GLG1: variants seen among roughly 807,000 people sequenced by gnomAD.
The protein encoded by GLG1 is golgi glycoprotein 1.
In GLG1, 38 loss-of-function variants were observed where a neutral mutation model predicts 160.5. The observed-to-expected ratio is 0.24, with a 90% CI of 0.18 to 0.31. The LOEUF (loss-of-function observed/expected upper bound fraction) is 0.31, where lower values mean the gene tolerates loss of function less well. Among genes scored for constraint, GLG1 ranks in the 10% least tolerant of loss-of-function variants. The pLI is 1.00. For synonymous variants in GLG1, 644 were observed against 543.4 expected (o/e 1.19, Z -2.57); for missense variants, 1,373 against 1,505.2 (o/e 0.91, Z 1.45).
intron 1 of GLG1, among the ~76,000 whole-genome samples, chr16:74,603,613 T>C (rs1958495021): frequency 6.6e-6 from 1 of 151,740 alleles, no homozygotes; most frequent in African/African-American, 2.4e-5. Context: ...GGTCTCCATC[T>C]GAAACTTCGA....
At chr16:74,555,122 C>T in intron 1 of GLG1, among the ~76,000 whole-genome samples, 1 of 152,150 alleles carries the variant, frequency 6.6e-6, no homozygotes, top group East Asian at 1.9e-4. Context: ...GAGATACCCA[C>T]CAGATGGGCC....
intron 4 of GLG1, among the ~76,000 whole-genome samples, chr16:74,498,468 T>TATATATATATATAAA (rs1491206560): frequency 6.7e-5 from 2 of 29,688 alleles, no homozygotes; most frequent in East Asian, 2.3e-3. Context: ...ATATATATAT[T>TATATATATATATAAA]ATATTTTATA....
rs758021024 is a variant in GLG1, at chr16:74,503,519, A to G, written c.774+12T>C. The G allele has an allele frequency of 4.5e-6, 7 of 1,542,260 alleles. No homozygotes were observed. The South Asian group carries it at 5.6e-5, about 12-fold the overall frequency. On this transcript the variant is annotated intron_variant, in intron 4 of 25. Transcript: ENST00000422840. ...AAGACCCCTTTGTTGAAGCTAACGT[A>G]GTATTAGATACCTTTTCTCCAAGCC...
chr16:74,477,517 C>A lies in GLG1; in HGVS notation c.1844G>T (p.Arg615Leu), dbSNP rs750748045. ...EQGRRLSREC[R>L]AEVQRILHQR... is the part of the protein sequence containing the mutation. ...GTGTAGGATCCTTTGGACTTCAGCT[C>A]GGCACTCCCGTGAGAGCTGCATGAG... Residue 615 changes from arginine (R) to leucine (L), a missense_variant, in exon 12 of 26, where the codon CGA becomes CTA. Coordinates refer to ENST00000422840, the MANE Select transcript of GLG1 (RefSeq NM_001145667.2). 1 of 1,613,030 alleles carries A rather than the reference C, an allele frequency of 6.2e-7. No individual in the cohort carries two copies. The highest frequency in any genetic ancestry group is 1.3e-5 in the African/African-American group (1 of 74,838).
At chr16:74,576,646 A>C (rs752759168) in intron 1 of GLG1, among the ~76,000 whole-genome samples, 10 of 152,204 alleles carry the variant, frequency 6.6e-5, no homozygotes, top group Non-Finnish European at 8.8e-5. Context: ...CTCTGGTCTG[A>C]GATATAAATG....
intron 4 of GLG1, among the ~76,000 whole-genome samples, chr16:74,500,703 G>C (rs1402431481): frequency 1.3e-5 from 2 of 151,982 alleles, no homozygotes. Flanking sequence ...CAGCTACCGA[G>C]AGAAAAGCAT....
rs2014821545 is a variant in GLG1, at chr16:74,462,127, C to T, written c.3003G>A (p.Leu1001=). 1 of 1,607,566 alleles carries T rather than the reference C, an allele frequency of 6.2e-7. No homozygotes were observed. The highest frequency in any genetic ancestry group is 1.7e-5 in the Admixed American group (1 of 59,974). Residue 1001 remains leucine (L), a synonymous_variant, in exon 22 of 26, where the codon CTG becomes CTA. Transcript: ENST00000422840. ...AGCAGTGCAGCTGGAGCTGAGGATCCAGGCGGTAGTCCAGGGCGGACTCCT... is the reference window on the plus strand; with the variant it reads ...AGCAGTGCAGCTGGAGCTGAGGATCTAGGCGGTAGTCCAGGGCGGACTCCT... ...IIQESALDYR[L]DPQLQLHCSD... is the part of the protein sequence containing the mutation.
intron 1 of GLG1, among the ~76,000 whole-genome samples, chr16:74,564,660 G>C (rs1271605234): frequency 3.9e-5 from 6 of 152,192 alleles, no homozygotes; most frequent in Admixed American, 3.3e-4. Context: ...TCACACCCAA[G>C]TGAGAACCTG....
In GLG1 at chr16:74,607,054, G is replaced by T; in HGVS notation, c.41C>A (p.Ser14Ter). Residue 14 changes from serine (S) to a stop codon, truncating the protein, a stop_gained, in exon 1 of 26, where the codon TCG becomes TAG. Transcript: ENST00000422840. LOFTEE classifies it high-confidence loss of function. ...CGRVRRMFRL[S>*]AALHLLLLFA... ...TAGCAGCAGCAGATGCAGCGCCGCC[G>T]ACAAGCGGAACATCCTCCGTACACG... 6.3e-7 allele frequency: 1 copy of T among 1,588,066 alleles called. No individual in the cohort carries two copies. The highest frequency in any genetic ancestry group is 1.1e-5 in the South Asian group (1 of 88,370).
intron 2 of GLG1, among the ~76,000 whole-genome samples, chr16:74,511,799 T>G (rs940648311): frequency 2.0e-5 from 3 of 152,152 alleles, no homozygotes; most frequent in African/African-American, 2.4e-5. Context: ...TTTAGATTTT[T>G]TGAATGTCTT....
At chr16:74,584,719 T>C (rs1213623635) in intron 1 of GLG1, among the ~76,000 whole-genome samples, 2 of 151,830 alleles carry the variant, frequency 1.3e-5, no homozygotes, top group African/African-American at 2.4e-5. Context: ...AGATCGAGAC[T>C]ACCCTGGCCA....
At chr16:74,595,390 A>G (rs1253457610) in intron 1 of GLG1, among the ~76,000 whole-genome samples, 1 of 151,212 alleles carries the variant, frequency 6.6e-6, no homozygotes, top group Non-Finnish European at 1.5e-5. Context: ...ACAAAAAATT[A>G]GCCGGTCGTG....
chr16:74,465,335 C>T (rs993058264), intron 19 of GLG1, among the ~76,000 whole-genome samples: 4 of 152,200 alleles, frequency 2.6e-5, no homozygotes, highest in African/African-American at 7.2e-5. Context: ...TACTATTAAT[C>T]GTCCTCAAAA....
At chr16:74,454,905 C>G (rs563701117) in intron 25 of GLG1, among the ~76,000 whole-genome samples, 32 of 151,668 alleles carry the variant, frequency 2.1e-4, no homozygotes, top group African/African-American at 6.0e-4. Flanking sequence ...CAGGCCGAGA[C>G]CAGCCTGGAC....
At chr16:74,510,143 T>TG (rs1041544399) in intron 2 of GLG1, among the ~76,000 whole-genome samples, 13 of 151,924 alleles carry the variant, frequency 8.6e-5, no homozygotes, top group Admixed American at 6.6e-4. Context: ...GCAATTCTCC[T>TG]GCCTCGGCCT....
intron 1 of GLG1, among the ~76,000 whole-genome samples, chr16:74,572,784 T>A (rs79460133): frequency 1.3e-5 from 2 of 152,028 alleles, no homozygotes; most frequent in African/African-American, 4.8e-5. Context: ...AACCCAAGGA[T>A]AGTGAGGGGT....
At chr16:74,457,082 G>A (rs919605938) in intron 24 of GLG1, among the ~76,000 whole-genome samples, 1 of 152,150 alleles carries the variant, frequency 6.6e-6, no homozygotes, top group Non-Finnish European at 1.5e-5. Context: ...ATTATAGTAA[G>A]ACCTTGTTTC....
chr16:74,495,748 A>G (rs78721216), intron 5 of GLG1, among the ~76,000 whole-genome samples: 2,310 of 152,336 alleles, frequency 0.015, 19 homozygotes, highest in Middle Eastern at 0.041. Flanking sequence ...TAAAATTCCT[A>G]TAGATAAAAC....
At chr16:74,529,022 A>G (rs925271645) in intron 2 of GLG1, among the ~76,000 whole-genome samples, 3 of 147,912 alleles carry the variant, frequency 2.0e-5, no homozygotes, top group African/African-American at 5.0e-5. Flanking sequence ...GCTGGAGTGC[A>G]GTGGTACGAT....
Sources: gnomAD v4.1 joint callset for allele counts (sites outside exome capture counted in the v4.1 genomes callset) on GRCh38, gnomAD v4.1.1 for gene constraint, MANE v1.5 for transcripts, NCBI Gene and HGNC (gene_info 2026-07-23, HGNC 2026-07-21) for gene names.